The following EXOC4 variants were observed in gnomAD, a reference collection of about 807,000 sequenced individuals.
The protein encoded by EXOC4 is SEC8-like 1.
Under a neutral mutation model 107.2 loss-of-function variants are expected in EXOC4, and 71 were observed. The observed-to-expected ratio is 0.66, with a 90% CI of 0.55 to 0.81. The LOEUF (loss-of-function observed/expected upper bound fraction) is 0.81, where lower values mean the gene tolerates loss of function less well. EXOC4 is among the 30% of genes least tolerant of loss of function. The probability of loss-of-function intolerance (pLI) is 0.00; values close to 1 mark genes in which losing one functional copy is unlikely to be tolerated. For missense variants in EXOC4, 1,108 were observed against 1,189.6 expected (o/e 0.93, Z 1.01); for synonymous variants, 456 against 441.2 (o/e 1.03, Z -0.42).
chr7:133,817,588 A>T, intron 11 of EXOC4, 44 bp downstream of exon 11: 1 of 1,395,532 alleles, frequency 7.2e-7, no homozygotes, highest in Non-Finnish European at 1.0e-6. Flanking sequence ...AGCAATTTTC[A>T]TTGACTTGGC....
chr7:133,663,286 C>T (rs961443074), intron 10 of EXOC4, among the ~76,000 whole-genome samples: 1 of 152,116 alleles, frequency 6.6e-6, no homozygotes, highest in Non-Finnish European at 1.5e-5. Flanking sequence ...TGACCTCTTA[C>T]TAGCCTGTAG....
chr7:134,078,543 G>A, the EXOC4 span, among the ~76,000 whole-genome samples: 37 of 152,046 alleles, frequency 2.4e-4, 1 homozygote, highest in Admixed American at 2.2e-3. Flanking sequence ...CTCTAACAAC[G>A]TAGGCCCAAT....
At chr7:133,671,312 A>C (rs1316893464) in intron 10 of EXOC4, among the ~76,000 whole-genome samples, 1 of 152,110 alleles carries the variant, frequency 6.6e-6, no homozygotes, top group Non-Finnish European at 1.5e-5. Flanking sequence ...GTCTGTAATC[A>C]CAGCACTTTG....
intron 17 of EXOC4, among the ~76,000 whole-genome samples, chr7:134,040,649 C>A (rs1002025913): frequency 6.6e-6 from 1 of 152,152 alleles, no homozygotes; most frequent in Non-Finnish European, 1.5e-5. Flanking sequence ...AAAGGCATGT[C>A]TTGGGGAAAG....
At chr7:133,836,977 C>G (rs1797931189) in intron 11 of EXOC4, among the ~76,000 whole-genome samples, 1 of 152,280 alleles carries the variant, frequency 6.6e-6, no homozygotes, top group African/African-American at 2.4e-5. Flanking sequence ...CTGTTACACT[C>G]TAGCCTCTAA....
intron 10 of EXOC4, among the ~76,000 whole-genome samples, chr7:133,793,919 G>A (rs1049653342): frequency 1.3e-5 from 2 of 152,114 alleles, no homozygotes; most frequent in Admixed American, 6.6e-5. Context: ...GTATTTATCA[G>A]GTACCTCACA....
At chr7:133,883,331 T>C (rs1347062338) in intron 11 of EXOC4, among the ~76,000 whole-genome samples, 1 of 151,836 alleles carries the variant, frequency 6.6e-6, no homozygotes, top group African/African-American at 2.4e-5. Flanking sequence ...TTTTTTTTTT[T>C]TTTTTGGCTC....
intron 10 of EXOC4, among the ~76,000 whole-genome samples, chr7:133,790,516 G>A (rs1398319900): frequency 6.6e-6 from 1 of 152,250 alleles, no homozygotes; most frequent in Non-Finnish European, 1.5e-5. Context: ...ATATGTGGAA[G>A]TAATTTGCTG....
intron 10 of EXOC4, among the ~76,000 whole-genome samples, chr7:133,772,634 AT>A (rs1388052806): frequency 6.6e-6 from 1 of 152,092 alleles, no homozygotes; most frequent in Non-Finnish European, 1.5e-5. Flanking sequence ...ATAAAGTATA[AT>A]ATTTCTTAAA....
chr7:133,541,533 T>C (rs1457187821), intron 9 of EXOC4, among the ~76,000 whole-genome samples: 1 of 152,186 alleles, frequency 6.6e-6, no homozygotes, highest in Non-Finnish European at 1.5e-5. Flanking sequence ...AGCATCTCAC[T>C]TTGTTGCCCA....
At chr7:133,370,875 G>A (rs911528457) in intron 6 of EXOC4, among the ~76,000 whole-genome samples, 1 of 152,192 alleles carries the variant, frequency 6.6e-6, no homozygotes, top group African/African-American at 2.4e-5. Context: ...CAGCAGTGTT[G>A]TGAGTCTCTT....
At chr7:133,752,585 C>T (rs1429595557) in intron 10 of EXOC4, among the ~76,000 whole-genome samples, 2 of 152,252 alleles carry the variant, frequency 1.3e-5, no homozygotes, top group South Asian at 2.1e-4. Flanking sequence ...TCTCATAAAA[C>T]CCACCATCTA....
intron 9 of EXOC4, among the ~76,000 whole-genome samples, chr7:133,593,206 A>C (rs965164939): frequency 6.6e-6 from 1 of 152,204 alleles, no homozygotes. Context: ...CTGTGATGCT[A>C]TTTCATTTTG....
At chr7:133,531,059 A>C (rs1365161613) in intron 9 of EXOC4, among the ~76,000 whole-genome samples, 2 of 152,156 alleles carry the variant, frequency 1.3e-5, no homozygotes, top group Non-Finnish European at 2.9e-5. Context: ...GTATACATAT[A>C]CATACAAATA....
intron 14 of EXOC4, among the ~76,000 whole-genome samples, chr7:133,982,901 A>G (rs950372771): frequency 6.6e-6 from 1 of 152,232 alleles, no homozygotes; most frequent in African/African-American, 2.4e-5. Context: ...GGATACAAAG[A>G]TAAAAGTGAG....
intron 6 of EXOC4, among the ~76,000 whole-genome samples, chr7:133,369,302 A>G (rs1689763550): frequency 1.3e-5 from 2 of 151,872 alleles, no homozygotes; most frequent in South Asian, 4.2e-4. Context: ...TTTTCTTTTT[A>G]AAGGAGTGTA....
chr7:133,928,922 C>CTTTTTTTTT (rs71162044), intron 13 of EXOC4, among the ~76,000 whole-genome samples: 1 of 82,016 alleles, frequency 1.2e-5, no homozygotes, highest in African/African-American at 6.0e-5. Context: ...ACAGTAGTAC[C>CTTTTTTTTT]TTTTTTTTTT....
At chr7:133,662,151 G>T (rs1562897099) in intron 10 of EXOC4, among the ~76,000 whole-genome samples, 2 of 152,174 alleles carry the variant, frequency 1.3e-5, no homozygotes, top group South Asian at 2.1e-4. Context: ...AGATTCAAAG[G>T]CAAACATTTG....
intron 9 of EXOC4, among the ~76,000 whole-genome samples, chr7:133,628,691 G>A (rs1802514887): frequency 6.6e-6 from 1 of 152,180 alleles, no homozygotes; most frequent in Middle Eastern, 3.2e-3. Context: ...CTGGAAACCA[G>A]TCATGGTGAA....
Sources: gnomAD v4.1 joint callset for allele counts (sites outside exome capture counted in the v4.1 genomes callset) on GRCh38, gnomAD v4.1.1 for gene constraint, MANE v1.5 for transcripts, NCBI Gene and HGNC (gene_info 2026-07-23, HGNC 2026-07-21) for gene names.